The following PKD1L3 variants were observed in gnomAD, a reference collection of about 807,000 sequenced individuals.
PKD1L3 encodes polycystin 1 like 3, transient receptor potential channel interacting, also known as polycystin-1-like protein 3.
PKD1L3 carries 239 observed loss-of-function variants against 184.1 expected under a neutral mutation model. The observed-to-expected ratio is 1.30, with a 90% CI of 1.17 to 1.45. The LOEUF (loss-of-function observed/expected upper bound fraction) is 1.45. PKD1L3 is among the 40% of genes most tolerant of loss of function. The probability of loss-of-function intolerance (pLI) is 0.00; values close to 1 mark genes in which losing one functional copy is unlikely to be tolerated. For synonymous variants in PKD1L3, 996 were observed against 778.8 expected (o/e 1.28, Z -4.64); for missense variants, 2,660 against 2,067.2 (o/e 1.29, Z -5.56).
chr16:71,934,206 C>A, intron 26 of PKD1L3, 81 bp from the exon 27 acceptor site: 1 of 1,323,326 alleles, frequency 7.6e-7, no homozygotes, highest in Non-Finnish European at 1.1e-6. Context: ...TGCTGCTGAT[C>A]GTGGCAGCCC....
intron 21 of PKD1L3, among the ~76,000 whole-genome samples, chr16:71,948,803 TAAAAAAAA>T (rs57129483): frequency 1.2e-5 from 1 of 81,206 alleles, no homozygotes; most frequent in Non-Finnish European, 2.2e-5. Flanking sequence ...TTACATATAG[TAAAAAAAA>T]AAAAAAAAAA....
intron 11 of PKD1L3, 25 bp downstream of exon 11, chr16:71,977,211 T>C: frequency 6.8e-7 from 1 of 1,466,192 alleles, no homozygotes; most frequent in Non-Finnish European, 9.3e-7. Context: ...TCAAAGTAAG[T>C]TTCTGACAGC....
At chr16:71,981,629 C>T in intron 7 of PKD1L3, among the ~76,000 whole-genome samples, 1 of 149,862 alleles carries the variant, frequency 6.7e-6, no homozygotes, top group East Asian at 2.0e-4. Flanking sequence ...CAACCTCTGC[C>T]TCCCAGGTTC....
chr16:71,999,734 A>T lies in PKD1L3; in HGVS notation c.245T>A (p.Ile82Asn). The change falls in exon 1 of 30, where the codon ATT becomes AAT. Residue 82 changes from isoleucine (I) to asparagine (N), a missense_variant. Transcript: ENST00000620267. ...DYLEEGKKWW[I>N]GQNVMPLKKH... ...TTTCAATGGCATTACATTTTGCCCA[A>T]TCCACCACTTCTTTCCTTCTTCCAG... The T allele has an allele frequency of 6.4e-7, 1 of 1,551,528 alleles. No homozygotes were observed. Among genetic ancestry groups the T allele is most frequent in the Non-Finnish European group, 8.7e-7 (1 of 1,146,860 alleles).
chr16:71,982,046 A>T lies in PKD1L3; in HGVS notation c.1143+13T>A, dbSNP rs1406953674. 1 of 1,535,508 alleles carries T rather than the reference A, an allele frequency of 6.5e-7. No homozygotes were observed. Reference sequence around the variant, plus strand: ...TCTAAGCAGATCTGGCCACCTGCATATCTGGCACCTACCGGCTCAGTATGA... The same window carrying T: ...TCTAAGCAGATCTGGCCACCTGCATTTCTGGCACCTACCGGCTCAGTATGA... On this transcript the variant is annotated intron_variant, in intron 7 of 29. Coordinates refer to ENST00000620267, the MANE Select transcript of PKD1L3 (RefSeq NM_181536.2).
chr16:71,942,979 G>A lies in PKD1L3; in HGVS notation c.3905C>T (p.Ala1302Val). Residue 1302 changes from alanine (A) to valine (V), a missense_variant, in exon 24 of 30, where the codon GCA becomes GTA. Physicochemically the swap from Ala to Val is moderately conservative, Grantham distance 64. Transcript: ENST00000620267. ...GAGGTAAAATCTATTGGAGTTCTTT[G>A]CAGAGTAGATTGCAGTCATCAACAG... The part of the protein sequence containing the change: ...LTLLMTAIYS[A>V]KNSNRFYLHQ... 1 of 1,551,522 alleles carries A rather than the reference G, an allele frequency of 6.4e-7. No individual in the cohort carries two copies. The highest frequency in any genetic ancestry group is 8.7e-7 in the Non-Finnish European group (1 of 1,146,908).
intron 5 of PKD1L3, among the ~76,000 whole-genome samples, chr16:71,985,465 A>G (rs1305037223): frequency 6.6e-6 from 1 of 152,068 alleles, no homozygotes; most frequent in Non-Finnish European, 1.5e-5. Flanking sequence ...TGCCCAGCCT[A>G]CAGTATACAG....
chr16:71,973,541 C>A (rs2039802639), intron 11 of PKD1L3, 24 bp from the exon 12 acceptor site: 1 of 1,532,324 alleles, frequency 6.5e-7, no homozygotes, highest in East Asian at 2.5e-5. Context: ...AGAGTGCTTA[C>A]TTGTATATCA....
intron 24 of PKD1L3, among the ~76,000 whole-genome samples, chr16:71,941,683 C>A (rs915744737): frequency 4.1e-5 from 6 of 146,944 alleles, no homozygotes; most frequent in African/African-American, 1.5e-4. Context: ...CTCCTGGGTT[C>A]AAGCGATTCT....
chr16:71,945,007 A>C (rs2038512128), intron 22 of PKD1L3, among the ~76,000 whole-genome samples: 1 of 151,442 alleles, frequency 6.6e-6, no homozygotes, highest in African/African-American at 2.4e-5. Flanking sequence ...ATAAAGCAGA[A>C]GCATGCAAAA....
rs202205397 is a variant in PKD1L3 at position 71,968,007 on chromosome 16, C to T, written c.2185G>A (p.Val729Met). 2 of 1,550,662 alleles carry T rather than the reference C, an allele frequency of 1.3e-6. No individual in the cohort carries two copies. Among genetic ancestry groups the T allele is most frequent in the Non-Finnish European group, 8.7e-7 (1 of 1,146,156 alleles). The change falls in exon 14 of 30, where the codon GTG (valine) becomes ATG (methionine). Residue 729 changes from valine to methionine, a missense_variant and splice_region_variant. Physicochemically the swap from Val to Met is conservative, Grantham distance 21. Coordinates refer to ENST00000620267, the MANE Select transcript of PKD1L3 (RefSeq NM_181536.2). Reference protein sequence around the residue: ...RKKDQADMQKVKVTVLADNDP... With the variant: ...RKKDQADMQKMKVTVLADNDP... ...TTATCAGCCAGGACAGTGACCTTCA[C>T]CTGCAAGAAAAGCAGAACCATGCAA...
Position 71,943,039 on chromosome 16 carries a change from GA to G in PKD1L3, c.3860-16del, listed in dbSNP as rs762694991. On this transcript the variant is annotated splice_polypyrimidine_tract_variant and intron_variant, in intron 23 of 29. Transcript: ENST00000620267. ...GAGGATTTGTACTTGTTTAGAAGAG[GA>G]AAAAAATGTCATAGTTGAGTGGTTA... 4.6e-6 allele frequency: 7 copies of G among 1,507,104 alleles called. No homozygotes were observed. Among genetic ancestry groups the G allele is most frequent in the Non-Finnish European group, 5.4e-6 (6 of 1,116,288 alleles). 93.4% of individuals were successfully genotyped at this position (1,507,104 alleles called of 1,614,324 possible).
chr16:71,992,300 G>A (rs558465815), intron 3 of PKD1L3, among the ~76,000 whole-genome samples: 2 of 152,132 alleles, frequency 1.3e-5, no homozygotes, highest in Non-Finnish European at 2.9e-5. Context: ...GTATTCCTGG[G>A]GCAAGCTTGA....
At chr16:71,952,389 T>G (rs1231754730) in intron 18 of PKD1L3, among the ~76,000 whole-genome samples, 4 of 151,294 alleles carry the variant, frequency 2.6e-5, no homozygotes, top group Non-Finnish European at 5.9e-5. Context: ...ATTATTATTT[T>G]TTTGTCTTTT....
rs1007160623 is a variant in PKD1L3 at position 71,935,444 on chromosome 16, G to A, written c.4527C>T (p.Leu1509=). 9 of 1,551,980 alleles carry A rather than the reference G, an allele frequency of 5.8e-6. No homozygotes were observed. In the Admixed American group the frequency reaches 9.8e-5, roughly 17 times the overall value. ...CAAGCCCCAGGAGGATGAAGCTAATGAGGATTATACTTGTGTCCAGAATGT... is the reference window on the plus strand; with the variant it reads ...CAAGCCCCAGGAGGATGAAGCTAATAAGGATTATACTTGTGTCCAGAATGT... ...KRNILDTSII[L]ISFILLGLDM... The change falls in exon 26 of 30, where the codon CTC becomes CTT. Residue 1509 remains leucine (L), a synonymous_variant. Transcript: ENST00000620267.
At chr16:71,967,106 C>A (rs1233879479) in intron 15 of PKD1L3, 31 bp downstream of exon 15, 3 of 1,533,890 alleles carry the variant, frequency 2.0e-6, no homozygotes, top group Non-Finnish European at 2.6e-6. Flanking sequence ...CACAAAGCAG[C>A]AGCAACAGCC....
At chr16:71,988,057 C>G (rs562016343) in intron 4 of PKD1L3, among the ~76,000 whole-genome samples, 1 of 116,028 alleles carries the variant, frequency 8.6e-6, no homozygotes, top group African/African-American at 3.5e-5. Flanking sequence ...AAGGGCTTTG[C>G]AGAACAGTGG....
rs188963934 is a variant in PKD1L3 at position 71,954,201 on chromosome 16, G to T, written c.2713C>A (p.Arg905=). The T allele has an allele frequency of 2.3e-5, 36 of 1,551,718 alleles. No individual in the cohort carries two copies. Among genetic ancestry groups the T allele is most frequent in the Non-Finnish European group, 3.1e-5 (35 of 1,146,872 alleles). Residue 905 remains arginine (R), a synonymous_variant, in exon 17 of 30, where the codon CGG becomes AGG. Transcript: ENST00000620267. The stretch of plus-strand genomic sequence containing the variant: ...AGCAGTGTCATGCAGCAAGACAGCC[G>T]TTGGACCCTTGTAAACTGGTTCCAG... ...HPWNQFTRVQ[R]LSCCMTLLLC...
At chr16:71,996,895 C>T (rs1378776037) in intron 2 of PKD1L3, among the ~76,000 whole-genome samples, 2 of 151,220 alleles carry the variant, frequency 1.3e-5, no homozygotes, top group African/African-American at 2.4e-5. Flanking sequence ...GGTACAGGTG[C>T]TGGTAGGTGG....
Sources: allele counts gnomAD v4.1 joint callset (sites outside exome capture counted in the v4.1 genomes callset), GRCh38; gene constraint gnomAD v4.1.1; transcripts MANE v1.5; gene names NCBI Gene and HGNC (gene_info 2026-07-23, HGNC 2026-07-21).